The following TRPM3 variants were observed in gnomAD, a reference collection of about 807,000 sequenced individuals.
TRPM3 encodes long transient receptor potential channel 3.
A neutral mutation model predicts 181.2 loss-of-function variants in TRPM3; 77 were observed. The observed-to-expected ratio is 0.42, with a 90% confidence interval of 0.35 to 0.51. The LOEUF is 0.51. TRPM3 is among the 20% of genes least tolerant of loss of function. The pLI is 0.01. For synonymous variants in TRPM3, 745 were observed against 796.4 expected (o/e 0.94, Z 1.09); for missense variants, 1,759 against 2,196.7 (o/e 0.80, Z 3.98).
intron 1 of TRPM3, among the ~76,000 whole-genome samples, chr9:71,444,140 C>T (rs1286779073): frequency 1.4e-5 from 2 of 140,878 alleles, no homozygotes; most frequent in African/African-American, 5.3e-5. Context: ...GATTGTGCCA[C>T]TGCACTCCAG....
intron 1 of TRPM3, among the ~76,000 whole-genome samples, chr9:71,080,775 G>C (rs1454436506): frequency 6.6e-6 from 1 of 152,186 alleles, no homozygotes; most frequent in African/African-American, 2.4e-5. Context: ...CAGGTTGAGG[G>C]AGATACTACA....
intron 1 of TRPM3, among the ~76,000 whole-genome samples, chr9:70,910,773 G>C (rs982109552): frequency 6.6e-6 from 1 of 152,142 alleles, no homozygotes; most frequent in Non-Finnish European, 1.5e-5. Flanking sequence ...TTTGCGTATA[G>C]TTACTATTTT....
intron 1 of TRPM3, among the ~76,000 whole-genome samples, chr9:70,965,686 T>C (rs1201179581): frequency 6.6e-6 from 1 of 152,088 alleles, no homozygotes; most frequent in African/African-American, 2.4e-5. Flanking sequence ...TTGCCAGTAT[T>C]TTGTTGAGGG....
rs549732336 is a variant in TRPM3, at chr9:70,943,969, G to A, written c.178-79458C>T. The stretch of plus-strand genomic sequence containing the variant: ...TAATTTTTGTATTTTTAGTAGAGAC[G>A]GGGTTTCACCATACTGGTAAGGCTG... On this transcript the variant is annotated intron_variant, in intron 1 of 25. Transcript: ENST00000677713. Among the ~76,000 whole-genome samples the A allele has an allele frequency of 4.6e-5, 7 of 152,098 alleles. No individual in the cohort carries two copies. The East Asian group carries it at 7.8e-4, about 17-fold the overall frequency.
chr9:71,121,411 G>T lies in TRPM3; in HGVS notation c.-57C>A. 6.3e-7 allele frequency: 1 copy of T among 1,579,834 alleles called. No homozygotes were observed. Among genetic ancestry groups the T allele is most frequent in the Non-Finnish European group, 8.6e-7 (1 of 1,164,438 alleles). ...TTAGGGCAGAGGCTTCCTGGAACTT[G>T]GAAGACTAGTCAAGTAGCCTTGCCT... On this transcript the variant is annotated 5_prime_UTR_variant, in exon 1 of 26. Transcript: ENST00000677713.
chr9:70,691,037 G>A (rs2068386852), intron 8 of TRPM3, among the ~76,000 whole-genome samples: 1 of 152,160 alleles, frequency 6.6e-6, no homozygotes. Context: ...AAGGAAATTG[G>A]AGAAAATTAG....
chr9:70,644,760 G>A (rs75767810), intron 9 of TRPM3, among the ~76,000 whole-genome samples: 1 of 152,160 alleles, frequency 6.6e-6, no homozygotes, highest in African/African-American at 2.4e-5. Context: ...AAGAGAGGAA[G>A]TCAAATTGTT....
intron 6 of TRPM3, among the ~76,000 whole-genome samples, chr9:70,799,505 G>C (rs2088258766): frequency 6.6e-6 from 1 of 152,214 alleles, no homozygotes; most frequent in African/African-American, 2.4e-5. Context: ...TGACAACACT[G>C]TGGGGAACCT....
intron 1 of TRPM3, among the ~76,000 whole-genome samples, chr9:70,911,026 T>G (rs181496256): frequency 7.2e-4 from 109 of 152,360 alleles, no homozygotes; most frequent in African/African-American, 2.6e-3. Context: ...TTACTGAGTC[T>G]GAAAAGTGTT....
chr9:70,628,379 T>G (rs537439498), intron 12 of TRPM3, among the ~76,000 whole-genome samples: 1 of 152,334 alleles, frequency 6.6e-6, no homozygotes, highest in South Asian at 2.1e-4. Flanking sequence ...TCAGATTTCT[T>G]TCCAGTGAAA....
chr9:70,588,661 A>G (rs1160371113), intron 22 of TRPM3, among the ~76,000 whole-genome samples: 1 of 152,140 alleles, frequency 6.6e-6, no homozygotes, highest in Non-Finnish European at 1.5e-5. Flanking sequence ...TGCTTCACAA[A>G]CCAACCTGGG....
At chr9:71,124,571 C>T (rs577403187), upstream of TRPM3, among the ~76,000 whole-genome samples, 81 of 152,280 alleles carry the variant, frequency 5.3e-4, no homozygotes, top group Admixed American at 1.7e-3. Context: ...GCCCACTTTC[C>T]ACTGATTATC....
At chr9:71,078,068 T>A (rs1270288361) in intron 1 of TRPM3, among the ~76,000 whole-genome samples, 1 of 152,084 alleles carries the variant, frequency 6.6e-6, no homozygotes, top group Non-Finnish European at 1.5e-5. Flanking sequence ...CATACACATA[T>A]ATGTGCGCTT....
chr9:70,624,688 ACAGACTGAATC>A (rs2064216371), intron 14 of TRPM3, among the ~76,000 whole-genome samples: 1 of 152,224 alleles, frequency 6.6e-6, no homozygotes, highest in African/African-American at 2.4e-5. Context: ...ATATCCTACA[ACAGACTGAATC>A]CACAAGTAGA....
intron 25 of TRPM3, among the ~76,000 whole-genome samples, chr9:70,541,674 G>A (rs1251378494): frequency 2.0e-5 from 3 of 152,074 alleles, no homozygotes; most frequent in African/African-American, 7.2e-5. Flanking sequence ...ACCATGCAAG[G>A]CTAATTTTGT....
chr9:71,046,096 A>G (rs12380582), intron 1 of TRPM3, among the ~76,000 whole-genome samples: 49,630 of 151,526 alleles, frequency 0.33, 8,913 homozygotes, highest in Middle Eastern at 0.46. Flanking sequence ...GATTCAAGCA[A>G]TTCTCTGCCT....
chr9:71,264,282 G>T (rs2083244791), intron 1 of TRPM3, among the ~76,000 whole-genome samples: 3 of 152,094 alleles, frequency 2.0e-5, no homozygotes, highest in Admixed American at 2.0e-4. Flanking sequence ...CCCCCTCTCA[G>T]AAGTCAAAGA....
chr9:71,048,637 C>A (rs919313456), intron 1 of TRPM3, among the ~76,000 whole-genome samples: 11 of 152,202 alleles, frequency 7.2e-5, no homozygotes, highest in African/African-American at 2.7e-4. Flanking sequence ...ATGTTCCACT[C>A]ACCCCATTTG....
chr9:71,242,734 C>G (rs572202772), intron 1 of TRPM3, among the ~76,000 whole-genome samples: 1 of 152,230 alleles, frequency 6.6e-6, no homozygotes, highest in South Asian at 2.1e-4. Flanking sequence ...TACTTTTATT[C>G]TTGGCCTTTT....
Sources: gnomAD v4.1 joint callset for allele counts (sites outside exome capture counted in the v4.1 genomes callset) on GRCh38, gnomAD v4.1.1 for gene constraint, MANE v1.5 for transcripts, NCBI Gene and HGNC (gene_info 2026-07-23, HGNC 2026-07-21) for gene names.